Variants in DERPC observed in about 807,000 individuals in gnomAD.
DERPC encodes the protein decreased expression in renal and prostate cancer protein.
A neutral mutation model predicts 7.2 loss-of-function variants in DERPC; 1 was observed. The observed-to-expected ratio is 0.14, with a 90% CI of 0.05 to 0.66. The LOEUF is 0.66. Ranked by LOEUF, DERPC falls within the 30% of genes least tolerant of loss-of-function variation. DERPC has a pLI of 0.84. For missense variants in DERPC, 502 were observed against 299.4 expected (o/e 1.68, Z -4.99); for synonymous variants, 185 against 117.6 (o/e 1.57, Z -3.71).
intron 2 of DERPC, chr16:69,121,104 G>C: frequency 6.2e-7 from 1 of 1,613,998 alleles, no homozygotes; most frequent in Non-Finnish European, 8.5e-7. Flanking sequence ...ATCCAGTGCT[G>C]TAGCGAGCCT....
chr16:69,128,766 CTAT>C (rs1416220380), intron 1 of DERPC, among the ~76,000 whole-genome samples: 4 of 152,034 alleles, frequency 2.6e-5, no homozygotes, highest in Middle Eastern at 3.4e-3. Flanking sequence ...AAATTAGTAA[CTAT>C]TATTATAAAA....
intron 1 of DERPC, among the ~76,000 whole-genome samples, chr16:69,122,539 AT>A (rs764144816): frequency 0.034 from 4,437 of 130,698 alleles, 79 homozygotes; most frequent in Non-Finnish European, 0.045. Flanking sequence ...TACCCAGCTA[AT>A]TTTTTTTTTT....
At chr16:69,126,701 C>A (rs181996072) in intron 1 of DERPC, among the ~76,000 whole-genome samples, 44 of 152,332 alleles carry the variant, frequency 2.9e-4, no homozygotes, top group African/African-American at 1.0e-3. Flanking sequence ...AATTTATACG[C>A]ACGTGGGTGT....
chr16:69,121,220 A>T, intron 2 of DERPC: 1 of 1,535,310 alleles, frequency 6.5e-7, no homozygotes, highest in Non-Finnish European at 9.0e-7. Flanking sequence ...GTGAAGGATG[A>T]ATAGTGTCCT....
intron 2 of DERPC, 142 bp downstream of exon 2, chr16:69,121,294 A>C (rs376615755): frequency 1.2e-5 from 14 of 1,217,014 alleles, no homozygotes; most frequent in African/African-American, 7.6e-5. Flanking sequence ...GAAATTGGGC[A>C]GTGCTAGGCA....
intron 1 of DERPC, among the ~76,000 whole-genome samples, chr16:69,129,635 C>T (rs1962351695): frequency 6.6e-6 from 1 of 152,174 alleles, no homozygotes; most frequent in Admixed American, 6.5e-5. Context: ...TAAATGTTAA[C>T]TGGTCACACA....
At chr16:69,129,846 A>G (rs897237476) in intron 1 of DERPC, among the ~76,000 whole-genome samples, 1 of 152,222 alleles carries the variant, frequency 6.6e-6, no homozygotes, top group African/African-American at 2.4e-5. Flanking sequence ...ACTTGCCACC[A>G]AAGTATTATA....
At chr16:69,128,335 T>C (rs919051365) in intron 1 of DERPC, among the ~76,000 whole-genome samples, 3 of 152,328 alleles carry the variant, frequency 2.0e-5, no homozygotes, top group Middle Eastern at 3.4e-3. Flanking sequence ...TTCTGTGATG[T>C]AGCTTTTCAA....
Position 69,120,935 on chromosome 16 carries a change from G to A in DERPC, c.-221-286C>T, listed in dbSNP as rs753575749. The A allele has an allele frequency of 4.5e-6, 4 of 879,546 alleles. No individual in the cohort carries two copies. Among genetic ancestry groups the A allele is most frequent in the East Asian group, 4.8e-5 (2 of 41,610 alleles). The allele number at this position is 879,546 out of a possible 1,614,324, so 54.5% of individuals were successfully genotyped here. A position where few individuals can be genotyped will look rare whatever the true frequency, so the allele number is the denominator to read the frequency against. ...GGGAGAACAAGCAGAGAGCATCGCA[G>A]ATTAGCTAGGCCTTGAATAACAAAC... is the stretch of plus-strand genomic sequence containing the variant. On this transcript the variant is annotated intron_variant, in intron 2 of 2. Coordinates refer to ENST00000519520, the MANE Select transcript of DERPC (RefSeq NM_001002847.4). This position sits in a 1 kb window ranked among gnomAD's most constrained non-coding sequence, Gnocchi z 4.0.
At chr16:69,127,332 G>T (rs1962142590) in intron 1 of DERPC, among the ~76,000 whole-genome samples, 1 of 151,498 alleles carries the variant, frequency 6.6e-6, no homozygotes, top group South Asian at 2.1e-4. Context: ...AGGTGGGGAA[G>T]AAGTACAATA....
chr16:69,121,456 CA>C lies in DERPC; in HGVS notation c.-243del. The C allele has an allele frequency of 4.4e-6, 7 of 1,602,698 alleles. No individual in the cohort carries two copies. The highest frequency in any genetic ancestry group is 5.9e-6 in the Non-Finnish European group (7 of 1,177,182). Reference sequence around the variant, plus strand: ...CTTACCTGGAAATAACAATTTGCACCATGAGCTTTCTGTCTTTAAAAAGCAA... The same window carrying C: ...CTTACCTGGAAATAACAATTTGCACCTGAGCTTTCTGTCTTTAAAAAGCAA... On this transcript the variant is annotated 5_prime_UTR_variant, in exon 2 of 3. It removes an upstream start codon present in the reference 5' UTR. Transcript: ENST00000519520.
Position 69,120,176 on chromosome 16 carries a change from G to T in DERPC, c.253C>A (p.Pro85Thr), listed in dbSNP as rs568141371. Reference protein sequence around the residue: ...SSGSLASNPAPFPAGARDPSM... With the variant: ...SSGSLASNPATFPAGARDPSM... ...GGGTCACGAGCACCAGCCGGGAAAG[G>T]TGCTGGATTTGAAGCCAATGAGCCT... is the stretch of plus-strand genomic sequence containing the variant. Residue 85 changes from proline to threonine, a missense_variant, in exon 3 of 3, where the codon CCT (proline) becomes ACT (threonine). By Grantham distance (38) the Pro-to-Thr change is conservative. Transcript: ENST00000519520. The surrounding 1 kb of genome is among the most constrained non-coding windows in gnomAD (Gnocchi z 4.0). The T allele has an allele frequency of 1.1e-5, 8 of 701,710 alleles. No individual in the cohort carries two copies. In the African/African-American group the frequency reaches 1.2e-4, roughly 11 times the overall value. The allele number at this position is 701,710 out of a possible 1,614,324, so 43.5% of individuals were successfully genotyped here.
chr16:69,121,895 T>TA (rs1961700512), intron 1 of DERPC, among the ~76,000 whole-genome samples: 1 of 152,208 alleles, frequency 6.6e-6, no homozygotes, highest in Non-Finnish European at 1.5e-5. Context: ...GGTCTCGATC[T>TA]CCTGACCTCG....
intron 1 of DERPC, among the ~76,000 whole-genome samples, chr16:69,123,977 G>A (rs944864020): frequency 2.7e-5 from 4 of 148,320 alleles, no homozygotes; most frequent in South Asian, 2.2e-4. Context: ...GGTGGCGCAC[G>A]CCTGCAGTTC....
intron 1 of DERPC, among the ~76,000 whole-genome samples, chr16:69,124,869 G>C (rs1191320479): frequency 6.6e-6 from 1 of 151,972 alleles, no homozygotes; most frequent in Non-Finnish European, 1.5e-5. Context: ...TCTACTCCTA[G>C]AGCACCAAAC....
Position 69,119,335 on chromosome 16 carries a change from C to G in DERPC, c.1094G>C (p.Gly365Ala), listed in dbSNP as rs1961433837. The change falls in exon 3 of 3, where the codon GGA becomes GCA. Residue 365 changes from glycine to alanine, a missense_variant. Transcript: ENST00000519520. ...CTGAGAAAAGGCAGATGAACCTGCT[C>G]CCCTGGGAAAGGGATTGGCATTTAC... Reference protein sequence around the residue: ...MGVNANPFPRGAGSSAFSQSS... With the variant: ...MGVNANPFPRAAGSSAFSQSS... 1.4e-6 allele frequency: 1 copy of G among 703,054 alleles called. No individual in the cohort carries two copies. The highest frequency in any genetic ancestry group is 2.6e-6 in the Non-Finnish European group (1 of 385,024). The allele number at this position is 703,054 out of a possible 1,614,324, so 43.6% of individuals were successfully genotyped here. A position where few individuals can be genotyped will look rare whatever the true frequency, so the allele number is the denominator to read the frequency against.
In DERPC at chr16:69,121,498, A is replaced by G. The variant is rs769783890; in HGVS notation, c.-279-5T>C. On this transcript the variant is annotated splice_region_variant and splice_polypyrimidine_tract_variant and intron_variant, in intron 1 of 2. Transcript: ENST00000519520. Reference sequence around the variant, plus strand: ...TAAAAAGCAAGTGAAAACAAGCTGTAGAGAGAAAAAAAGAGATTTAGGGTA... The same window carrying G: ...TAAAAAGCAAGTGAAAACAAGCTGTGGAGAGAAAAAAAGAGATTTAGGGTA... 3.8e-6 allele frequency: 6 copies of G among 1,566,934 alleles called. No homozygotes were observed. In the Admixed American group the frequency reaches 7.8e-5, roughly 20 times the overall value.
At position 69,120,644 on chromosome 16, in the gene DERPC, G is replaced by A. The variant is rs776820006; in HGVS notation, c.-216C>T. ...TATGATGCCCCACGATCAGCACAGG[G>A]ATTCCCTTTGGCAGAACAAGAACGA... On this transcript the variant is annotated 5_prime_UTR_variant, in exon 3 of 3. Coordinates refer to ENST00000519520, the MANE Select transcript of DERPC (RefSeq NM_001002847.4). This position sits in a 1 kb window ranked among gnomAD's most constrained non-coding sequence, Gnocchi z 4.0. The A allele has an allele frequency of 6.2e-7, 1 of 1,608,086 alleles. No individual in the cohort carries two copies. Among genetic ancestry groups the A allele is most frequent in the Non-Finnish European group, 8.5e-7 (1 of 1,175,138 alleles).
At position 69,118,938 on chromosome 16, in the gene DERPC, G is replaced by T. The variant is rs558567643; in HGVS notation, c.1491C>A (p.Ser497Arg). The change falls in exon 3 of 3, where the codon AGC becomes AGA. Residue 497 changes from serine to arginine, a missense_variant. Physicochemically the swap from Ser to Arg is moderately radical, Grantham distance 110. Transcript: ENST00000519520. ...AAGCAGCTGGGTTTGTGCCAGGGAG[G>T]CTCCCCACTCTAGGAAATGGGACGA... is the stretch of plus-strand genomic sequence containing the variant. ...KSFVPFPRVG[S>R]LPGTNPAAFP... 1 of 703,078 alleles carries T rather than the reference G, an allele frequency of 1.4e-6. No individual in the cohort carries two copies. The highest frequency in any genetic ancestry group is 2.0e-5 in the Admixed American group (1 of 50,020). 43.6% of individuals were successfully genotyped at this position (703,078 alleles called of 1,614,324 possible).
Sources: gnomAD v4.1 joint callset for allele counts (sites outside exome capture counted in the v4.1 genomes callset) on GRCh38, gnomAD v4.1.1 for gene constraint, Gnocchi (gnomAD v3.1) non-coding constraint, MANE v1.5 for transcripts, NCBI Gene and HGNC (gene_info 2026-07-23, HGNC 2026-07-21) for gene names.